Variants in RGS7 observed in about 807,000 individuals in gnomAD.
RGS7 encodes the protein regulator of G-protein signaling 7.
Under a neutral mutation model 81.1 loss-of-function variants are expected in RGS7, and 27 were observed. The observed-to-expected ratio is 0.33, with a 90% CI of 0.25 to 0.46. The LOEUF (loss-of-function observed/expected upper bound fraction) is 0.46, where lower values mean the gene tolerates loss of function less well. Among genes scored for constraint, RGS7 ranks in the 20% least tolerant of loss-of-function variants. The pLI is 1.00. For missense variants in RGS7, 396 were observed against 607.4 expected, an observed-to-expected ratio of 0.65 and a Z score of 3.66; for synonymous variants, 208 against 207.7, an observed-to-expected ratio of 1.00 and a Z score of -0.01.
intron 2 of RGS7, among the ~76,000 whole-genome samples, chr1:241,105,996 G>A (rs76301024): frequency 0.055 from 8,434 of 152,222 alleles, 341 homozygotes; most frequent in Non-Finnish European, 0.086. Flanking sequence ...TCACTGAAGC[G>A]CTTCTTGGAT....
At chr1:241,040,801 AAAAC>A (rs1291984040) in intron 3 of RGS7, among the ~76,000 whole-genome samples, 3 of 152,150 alleles carry the variant, frequency 2.0e-5, no homozygotes, top group African/African-American at 7.2e-5. Flanking sequence ...TCTTTACTTA[AAAAC>A]AAACAAACAA....
chr1:241,155,965 A>C (rs527659739), intron 2 of RGS7, among the ~76,000 whole-genome samples: 8 of 152,094 alleles, frequency 5.3e-5, no homozygotes, highest in Non-Finnish European at 1.2e-4. Context: ...AGTAACTACC[A>C]CAGGGATTAT....
chr1:240,875,039 T>C (rs994510902), intron 6 of RGS7, among the ~76,000 whole-genome samples: 1 of 151,848 alleles, frequency 6.6e-6, no homozygotes, highest in Admixed American at 6.6e-5. Context: ...CGAAACTCCA[T>C]CTCAAAACAA....
At chr1:240,797,599 G>A (rs1345086843) in intron 18 of RGS7, among the ~76,000 whole-genome samples, 3 of 152,140 alleles carry the variant, frequency 2.0e-5, no homozygotes, top group East Asian at 1.9e-4. Context: ...TGATCCACCC[G>A]CCTCGGCCTC....
rs34848063 is a variant in RGS7, at chr1:241,108,302, C to CAAA, written c.79-9543_79-9541dup. Among the ~76,000 whole-genome samples the CAAA allele has an allele frequency of 6.1e-3, 430 of 70,804 alleles. 9 individuals carry two copies. The highest frequency in any genetic ancestry group is 9.6e-3 in the Non-Finnish European group (335 of 34,898). The allele number at this position is 70,804 out of a possible 152,430, so 46.5% of individuals were successfully genotyped here. A position where few individuals can be genotyped will look rare whatever the true frequency, so the allele number is the denominator to read the frequency against. On this transcript the variant is annotated intron_variant, in intron 2 of 18. Transcript: ENST00000440928. ...AGGGCGACAGAGCGAGACTCCGTCT[C>CAAA]AAAAAAAAAAAAAAAAAAAAGCGCC...
At position 240,833,806 on chromosome 1, in the gene RGS7, C is replaced by CT. The variant is rs111809271; in HGVS notation, c.610-6635dup. Reference sequence around the variant, plus strand: ...GATTTTAAAGTGTTCAGTCTCAGGACTTTTTTTTTTTTGGCCCAGGCTGGA... The same window carrying CT: ...GATTTTAAAGTGTTCAGTCTCAGGACTTTTTTTTTTTTTGGCCCAGGCTGGA... On this transcript the variant is annotated intron_variant, in intron 9 of 18. Transcript: ENST00000440928. Among the ~76,000 whole-genome samples, 133 of 144,544 alleles carry CT rather than the reference C, an allele frequency of 9.2e-4. 1 individual carries two copies. Among genetic ancestry groups the CT allele is most frequent in the Middle Eastern group, 7.1e-3 (2 of 280 alleles). The allele number at this position is 144,544 out of a possible 152,430, so 94.8% of individuals were successfully genotyped here.
At chr1:240,894,911 T>C (rs1558427735) in intron 6 of RGS7, among the ~76,000 whole-genome samples, 1 of 152,298 alleles carries the variant, frequency 6.6e-6, no homozygotes, top group East Asian at 1.9e-4. Context: ...TTCCAGGTGA[T>C]ATAGTTTGGA....
At chr1:240,783,436 A>G (rs552073284) in intron 18 of RGS7, among the ~76,000 whole-genome samples, 1 of 151,690 alleles carries the variant, frequency 6.6e-6, no homozygotes, top group South Asian at 2.1e-4. Context: ...AGCACGGCCA[A>G]CATGGCAAAA....
rs976397586 is a variant in RGS7 at position 241,206,512 on chromosome 1, A to G, written c.79-107750T>C. Among the ~76,000 whole-genome samples, 3 of 152,098 alleles carry G rather than the reference A, an allele frequency of 2.0e-5. No individual in the cohort carries two copies. In the South Asian group the frequency reaches 6.2e-4, roughly 32 times the overall value. On this transcript the variant is annotated intron_variant, in intron 2 of 18. Transcript: ENST00000440928. ...AATGAACTTTTAAATACTTAACCAG[A>G]TGGCTTCATTCTTCTTTTAAAAGTT... is the stretch of plus-strand genomic sequence containing the variant.
At chr1:241,059,991 C>G (rs2061665093) in intron 3 of RGS7, among the ~76,000 whole-genome samples, 1 of 151,770 alleles carries the variant, frequency 6.6e-6, no homozygotes, top group South Asian at 2.1e-4. Context: ...CCATCAACAT[C>G]ATCACCTAAG....
At chr1:241,309,771 T>C (rs1444539043) in intron 2 of RGS7, among the ~76,000 whole-genome samples, 1 of 152,240 alleles carries the variant, frequency 6.6e-6, no homozygotes, top group Non-Finnish European at 1.5e-5. Flanking sequence ...GACATTTGCT[T>C]CTCTGGCATA....
intron 3 of RGS7, among the ~76,000 whole-genome samples, chr1:241,096,751 C>T (rs1424936139): frequency 6.6e-6 from 1 of 152,202 alleles, no homozygotes; most frequent in Non-Finnish European, 1.5e-5. Flanking sequence ...AAATTTTAGA[C>T]TCCACTAGAG....
chr1:240,842,123 A>G (rs1658128660), intron 9 of RGS7, among the ~76,000 whole-genome samples: 1 of 151,842 alleles, frequency 6.6e-6, no homozygotes. Context: ...TTAGCAGTAT[A>G]ATTTGACATC....
chr1:240,994,205 A>G (rs1405540635), intron 3 of RGS7, among the ~76,000 whole-genome samples: 1 of 152,218 alleles, frequency 6.6e-6, no homozygotes, highest in Non-Finnish European at 1.5e-5. Flanking sequence ...TTATCTCTAT[A>G]TCTACAAAAA....
chr1:240,961,747 C>T (rs546284008), intron 4 of RGS7, among the ~76,000 whole-genome samples: 1 of 152,242 alleles, frequency 6.6e-6, no homozygotes, highest in South Asian at 2.1e-4. Flanking sequence ...GTTTCAAGGA[C>T]ATTAAGAGGC....
At chr1:240,876,437 T>G (rs1449913357) in intron 6 of RGS7, among the ~76,000 whole-genome samples, 3 of 152,172 alleles carry the variant, frequency 2.0e-5, no homozygotes, top group Admixed American at 2.0e-4. Context: ...CATATGTTAG[T>G]GGAACACAGC....
chr1:241,175,617 G>A (rs1184572925), intron 2 of RGS7, among the ~76,000 whole-genome samples: 1 of 152,130 alleles, frequency 6.6e-6, no homozygotes, highest in Non-Finnish European at 1.5e-5. Context: ...CCATAAGAGG[G>A]CACTAGGAAA....
At chr1:241,055,895 G>C (rs779608195) in intron 3 of RGS7, among the ~76,000 whole-genome samples, 78 of 152,296 alleles carry the variant, frequency 5.1e-4, no homozygotes, top group Admixed American at 3.4e-3. Flanking sequence ...GAGATTCCAA[G>C]AGTTTTAGGA....
At chr1:241,191,082 T>C (rs1265958544) in intron 2 of RGS7, among the ~76,000 whole-genome samples, 7 of 151,936 alleles carry the variant, frequency 4.6e-5, no homozygotes, top group South Asian at 2.1e-4. Flanking sequence ...CCTGGGTTTA[T>C]GCCATTCTCC....
Sources: gnomAD v4.1 joint callset for allele counts (sites outside exome capture counted in the v4.1 genomes callset) on GRCh38, gnomAD v4.1.1 for gene constraint, MANE v1.5 for transcripts, NCBI Gene and HGNC (gene_info 2026-07-23, HGNC 2026-07-21) for gene names.